ALG6: variants seen among roughly 807,000 people sequenced by gnomAD.
ALG6 encodes the protein ALG6 alpha-1,3-glucosyltransferase.
In ALG6, 46 loss-of-function variants were observed where a neutral mutation model predicts 66.6. The observed-to-expected ratio is 0.69, with a 90% CI of 0.55 to 0.88. The LOEUF is 0.88. Among genes scored for constraint, ALG6 ranks in the 40% least tolerant of loss-of-function variants. The pLI, the probability that ALG6 is intolerant of heterozygous loss-of-function variation, is 0.00. For missense variants in ALG6, 505 were observed against 586.8 expected, an observed-to-expected ratio of 0.86 and a Z score of 1.44; for synonymous variants, 185 against 203.7, an observed-to-expected ratio of 0.91 and a Z score of 0.78.
intron 1 of ALG6, among the ~76,000 whole-genome samples, chr1:63,368,949 C>T (rs2100375589): frequency 6.6e-6 from 1 of 152,264 alleles, no homozygotes; most frequent in African/African-American, 2.4e-5. Flanking sequence ...TTCAGAACAC[C>T]TCTCTGGGCA....
chr1:63,412,205 AATTG>A, intron 9 of ALG6, 144 bp downstream of exon 9: 1 of 1,325,662 alleles, frequency 7.5e-7, no homozygotes, highest in Non-Finnish European at 1.1e-6. Flanking sequence ...TTGATTGATT[AATTG>A]ATTGGTTGAG....
chr1:63,373,165 C>T (rs1647990752), intron 2 of ALG6, among the ~76,000 whole-genome samples: 1 of 151,680 alleles, frequency 6.6e-6, no homozygotes, highest in Non-Finnish European at 1.5e-5. Context: ...CACCACGACG[C>T]CTGGCTAATT....
Position 63,428,726 on chromosome 1 carries a change from A to G in ALG6, c.1059-7A>G, listed in dbSNP as rs769414669. On this transcript the variant is annotated splice_region_variant and splice_polypyrimidine_tract_variant and intron_variant, in intron 12 of 14. Coordinates refer to ENST00000263440, the MANE Select transcript of ALG6 (RefSeq NM_013339.4). The stretch of plus-strand genomic sequence containing the variant: ...ATATTAAAATATTTTTTTCTTTACG[A>G]TTTTAGACCAGTCTGCTTAGTTTTA... 3.1e-6 allele frequency: 5 copies of G among 1,587,552 alleles called. No homozygotes were observed. In the South Asian group the frequency reaches 5.7e-5, roughly 18 times the overall value.
Position 63,411,288 on chromosome 1 carries a change from T to C in ALG6, c.637T>C (p.Phe213Leu). Residue 213 changes from phenylalanine to leucine, a missense_variant, in exon 8 of 15, where the codon TTT becomes CTT. By Grantham distance (22) the Phe-to-Leu change is conservative (BLOSUM62 0). Coordinates refer to ENST00000263440, the MANE Select transcript of ALG6 (RefSeq NM_013339.4). ...ELYHALPFFC[F>L]LLGKCFKKGL... ...TTACCACGCCTTGCCATTTTTTTGCTTTTTACTTGGCAAGTGTTTTAAAAA... is the reference window on the plus strand; with the variant it reads ...TTACCACGCCTTGCCATTTTTTTGCCTTTTACTTGGCAAGTGTTTTAAAAA... 1 of 1,613,906 alleles carries C rather than the reference T, an allele frequency of 6.2e-7. No individual in the cohort carries two copies. Among genetic ancestry groups the C allele is most frequent in the Non-Finnish European group, 8.5e-7 (1 of 1,179,880 alleles).
At chr1:63,388,518 C>G (rs991973621) in intron 2 of ALG6, among the ~76,000 whole-genome samples, 8 of 152,096 alleles carry the variant, frequency 5.3e-5, no homozygotes, top group Admixed American at 2.6e-4. Context: ...TTTATTGTTT[C>G]TATTTATATT....
intron 2 of ALG6, among the ~76,000 whole-genome samples, chr1:63,374,591 G>A (rs1648055391): frequency 6.6e-6 from 1 of 150,830 alleles, no homozygotes; most frequent in Admixed American, 6.6e-5. Flanking sequence ...TCACGCCACT[G>A]CACCCCACCC....
intron 2 of ALG6, among the ~76,000 whole-genome samples, chr1:63,380,482 C>T (rs1648268025): frequency 1.3e-5 from 2 of 152,182 alleles, no homozygotes; most frequent in Non-Finnish European, 2.9e-5. Flanking sequence ...ATTGGAAAGT[C>T]ATCCCCTTTT....
rs1644489549 is a variant in ALG6 at position 63,406,300 on chromosome 1, T to C, written c.347-17T>C. 6.2e-7 allele frequency: 1 copy of C among 1,608,940 alleles called. No individual in the cohort carries two copies. The highest frequency in any genetic ancestry group is 1.3e-5 in the African/African-American group (1 of 74,932). On this transcript the variant is annotated splice_polypyrimidine_tract_variant and intron_variant, in intron 5 of 14. Coordinates refer to ENST00000263440, the MANE Select transcript of ALG6 (RefSeq NM_013339.4). ...CCTGATGGACTCATGTTTAAAGTTA[T>C]TTACTTGTGTTTTCAGTTTTAATTG... is the stretch of plus-strand genomic sequence containing the variant.
At chr1:63,389,027 CT>C (rs1413981868) in intron 2 of ALG6, among the ~76,000 whole-genome samples, 1 of 152,124 alleles carries the variant, frequency 6.6e-6, no homozygotes, top group Non-Finnish European at 1.5e-5. Flanking sequence ...GGGAGTTTGA[CT>C]GTTAAAAAGT....
chr1:63,374,703 C>G (rs1209419479), intron 2 of ALG6, among the ~76,000 whole-genome samples: 1 of 151,974 alleles, frequency 6.6e-6, no homozygotes, highest in Admixed American at 6.6e-5. Flanking sequence ...TAGTGCAGGG[C>G]TATAACTAGC....
At chr1:63,403,936 A>G (rs1301428791) in intron 4 of ALG6, among the ~76,000 whole-genome samples, 1 of 152,180 alleles carries the variant, frequency 6.6e-6, no homozygotes, top group Non-Finnish European at 1.5e-5. Context: ...AATAAGCTTC[A>G]TGGATTGAAA....
At chr1:63,377,962 A>G (rs1391493355) in intron 2 of ALG6, among the ~76,000 whole-genome samples, 3 of 152,116 alleles carry the variant, frequency 2.0e-5, no homozygotes, top group South Asian at 4.1e-4. Flanking sequence ...GCTGGGCTCA[A>G]ACTCCTGGGC....
At chr1:63,389,760 A>G (rs1000689631) in intron 2 of ALG6, among the ~76,000 whole-genome samples, 6 of 152,110 alleles carry the variant, frequency 3.9e-5, no homozygotes, top group Non-Finnish European at 8.8e-5. Context: ...GTTGTCATCC[A>G]TGGTCGCTGC....
At chr1:63,422,225 A>AGATATAAATATATATATATATG (rs1491422091) in intron 12 of ALG6, among the ~76,000 whole-genome samples, 3 of 71,584 alleles carry the variant, frequency 4.2e-5, no homozygotes, top group South Asian at 3.8e-4. Context: ...ATATTTATAT[A>AGATATAAATATATATATATATG]AATATAAATA....
chr1:63,436,804 A>G lies in ALG6; in HGVS notation c.1327-19A>G. 1.9e-6 allele frequency: 3 copies of G among 1,611,596 alleles called. No homozygotes were observed. The highest frequency in any genetic ancestry group is 2.5e-6 in the Non-Finnish European group (3 of 1,177,938). On this transcript the variant is annotated intron_variant, in intron 14 of 14. Transcript: ENST00000263440. ...ATTTCACCTTTTATACTACTCAGTA[A>G]TCCTTTTTTTCCTTGCAGTTTCTTA...
At chr1:63,396,372 C>G in intron 2 of ALG6, 141 bp from the exon 3 acceptor site, 2 of 727,508 alleles carry the variant, frequency 2.7e-6, no homozygotes, top group South Asian at 3.2e-5. Context: ...CAGATTTTAT[C>G]TCTCTGACTT....
chr1:63,392,232 A>G (rs990104289), intron 2 of ALG6, among the ~76,000 whole-genome samples: 7 of 151,382 alleles, frequency 4.6e-5, no homozygotes, highest in African/African-American at 1.7e-4. Flanking sequence ...GTGCAATGGC[A>G]TGATCTCGGC....
chr1:63,409,734 T>G (rs1644507091), intron 7 of ALG6, among the ~76,000 whole-genome samples: 1 of 152,176 alleles, frequency 6.6e-6, no homozygotes, highest in South Asian at 2.1e-4. Context: ...TATTTTTATT[T>G]AAGAATAAGG....
At chr1:63,432,340 T>C (rs572563468) in intron 14 of ALG6, among the ~76,000 whole-genome samples, 1 of 152,298 alleles carries the variant, frequency 6.6e-6, no homozygotes, top group East Asian at 1.9e-4. Flanking sequence ...ATTCCTAGGA[T>C]AAATCCTACT....
Sources: allele counts gnomAD v4.1 joint callset (sites outside exome capture counted in the v4.1 genomes callset), GRCh38; gene constraint gnomAD v4.1.1; transcripts MANE v1.5; gene names NCBI Gene and HGNC (gene_info 2026-07-23, HGNC 2026-07-21).